NXN: variants seen among roughly 807,000 people sequenced by gnomAD.
NXN encodes the protein nucleoredoxin, also known as nucleoredoxin 1.
NXN carries 16 observed loss-of-function variants against 48.6 expected under a neutral mutation model. The ratio of observed to expected loss-of-function variants is 0.33; its 90% CI spans 0.22 to 0.50. The LOEUF (loss-of-function observed/expected upper bound fraction) is 0.50, where lower values mean the gene tolerates loss of function less well. NXN is among the 20% of genes least tolerant of loss of function. The pLI, the probability that NXN is intolerant of heterozygous loss-of-function variation, is 0.98. For missense variants in NXN, 492 were observed against 605.5 expected (o/e 0.81, Z 1.97); for synonymous variants, 281 against 269.6 (o/e 1.04, Z -0.41).
At chr17:835,595 A>T (rs1329296860) in intron 1 of NXN, among the ~76,000 whole-genome samples, 1 of 152,210 alleles carries the variant, frequency 6.6e-6, no homozygotes, top group East Asian at 1.9e-4. Context: ...TTCTACAGTG[A>T]CCAACAAAAC....
At chr17:975,006 G>C (rs2069441814) in intron 1 of NXN, among the ~76,000 whole-genome samples, 1 of 151,824 alleles carries the variant, frequency 6.6e-6, no homozygotes, top group African/African-American at 2.4e-5. Flanking sequence ...GTTATTTTTT[G>C]CAAAGACAAT....
intron 1 of NXN, among the ~76,000 whole-genome samples, chr17:871,189 C>T (rs1424877643): frequency 1.3e-5 from 2 of 151,720 alleles, no homozygotes; most frequent in South Asian, 2.1e-4. Flanking sequence ...CGGTGATCTT[C>T]GCAGCTCTCA....
At chr17:818,801 C>T (rs537209149) in intron 5 of NXN, among the ~76,000 whole-genome samples, 2 of 151,038 alleles carry the variant, frequency 1.3e-5, no homozygotes, top group South Asian at 2.1e-4. Context: ...AGGAGAATGG[C>T]GTGAACCCGG....
In NXN at chr17:825,527, GCCAAGGC is replaced by G. The variant is rs1390533514; in HGVS notation, c.478+427_478+433del. 1 of 165,608 alleles carries G rather than the reference GCCAAGGC, an allele frequency of 6.0e-6. No individual in the cohort carries two copies. Among genetic ancestry groups the G allele is most frequent in the Non-Finnish European group, 1.3e-5 (1 of 75,408 alleles). 10.3% of individuals were successfully genotyped at this position (165,608 alleles called of 1,614,324 possible). A position where few individuals can be genotyped will look rare whatever the true frequency, so the allele number is the denominator to read the frequency against. ...CTCCAAGCAACGAGGTGCACTCACC[GCCAAGGC>G]CAGGAGAGTGACACGGGGGCTGGGA... On this transcript the variant is annotated intron_variant, in intron 2 of 7. Transcript: ENST00000336868. The surrounding 1 kb of genome is among the most constrained non-coding windows in gnomAD (Gnocchi z 4.1).
intron 1 of NXN, among the ~76,000 whole-genome samples, chr17:918,060 G>C (rs2068706161): frequency 6.6e-6 from 1 of 152,176 alleles, no homozygotes; most frequent in African/African-American, 2.4e-5. Flanking sequence ...AGTTTTAAAA[G>C]TTGTGTGTCT....
intron 1 of NXN, among the ~76,000 whole-genome samples, chr17:911,702 G>A (rs1597235199): frequency 2.6e-5 from 4 of 151,250 alleles, no homozygotes; most frequent in Non-Finnish European, 2.9e-5. Context: ...TCCTGACCTC[G>A]TGATCTGCCC....
intron 1 of NXN, among the ~76,000 whole-genome samples, chr17:885,739 G>A (rs1366696079): frequency 7.0e-6 from 1 of 143,400 alleles, no homozygotes; most frequent in Non-Finnish European, 1.5e-5. Flanking sequence ...GGAGTGCAGT[G>A]GCGCAATCTC....
intron 1 of NXN, among the ~76,000 whole-genome samples, chr17:857,325 A>G (rs1034022887): frequency 6.6e-6 from 1 of 151,720 alleles, no homozygotes; most frequent in Non-Finnish European, 1.5e-5. Context: ...CAATGGTGTG[A>G]TCTCAGCTCA....
At chr17:831,637 T>C (rs943697042) in intron 1 of NXN, among the ~76,000 whole-genome samples, 4 of 151,840 alleles carry the variant, frequency 2.6e-5, no homozygotes, top group African/African-American at 9.7e-5. Flanking sequence ...GTAGCTGCGA[T>C]TACAGGCATT....
chr17:963,789 A>G (rs2150631564), intron 1 of NXN, among the ~76,000 whole-genome samples: 1 of 152,146 alleles, frequency 6.6e-6, no homozygotes, highest in East Asian at 1.9e-4. Flanking sequence ...TAATAAATAA[A>G]ATGCTGGGCC....
chr17:965,158 A>G (rs1328832196), intron 1 of NXN, among the ~76,000 whole-genome samples: 1 of 152,230 alleles, frequency 6.6e-6, no homozygotes, highest in African/African-American at 2.4e-5. Context: ...ACACATGCCC[A>G]GCAGATAAAG....
intron 5 of NXN, among the ~76,000 whole-genome samples, chr17:806,964 A>C (rs562025748): frequency 1.3e-5 from 2 of 152,090 alleles, no homozygotes; most frequent in African/African-American, 4.8e-5. Flanking sequence ...GCCCACACAC[A>C]CATGCGGCCG....
At chr17:812,925 C>A (rs12449658) in intron 5 of NXN, among the ~76,000 whole-genome samples, 1 of 100,212 alleles carries the variant, frequency 1.0e-5, no homozygotes, top group Non-Finnish European at 2.2e-5. Context: ...TAGGTGTGTG[C>A]GTGTGTGAGT....
At chr17:953,481 C>T in intron 1 of NXN, among the ~76,000 whole-genome samples, 1 of 152,190 alleles carries the variant, frequency 6.6e-6, no homozygotes, top group African/African-American at 2.4e-5. Context: ...ATGCCCCACA[C>T]CCCCTGTCCC....
At chr17:882,925 G>A (rs1011770549) in intron 1 of NXN, among the ~76,000 whole-genome samples, 1 of 151,942 alleles carries the variant, frequency 6.6e-6, no homozygotes, top group African/African-American at 2.4e-5. Context: ...ACCACGCCCA[G>A]CTAATTTTAG....
At chr17:810,003 G>A (rs1911841858) in intron 5 of NXN, among the ~76,000 whole-genome samples, 6 of 146,726 alleles carry the variant, frequency 4.1e-5, no homozygotes, top group East Asian at 2.0e-4. Flanking sequence ...TGTACGTTAC[G>A]AGTCTGTGAG....
At chr17:965,527 C>T (rs1042633760) in intron 1 of NXN, among the ~76,000 whole-genome samples, 4 of 152,074 alleles carry the variant, frequency 2.6e-5, no homozygotes, top group South Asian at 2.1e-4. Context: ...CTGATCACAC[C>T]GAGGAGTGTG....
chr17:895,656 CA>C (rs71145789), intron 1 of NXN, among the ~76,000 whole-genome samples: 136,228 of 144,350 alleles, frequency 0.94, 64,391 homozygotes, highest in Middle Eastern at 0.98. Flanking sequence ...ACTTAAAATA[CA>C]AAAAAAAAAA....
At chr17:926,546 TTTTTTTG>T (rs1168678298) in intron 1 of NXN, among the ~76,000 whole-genome samples, 3 of 65,388 alleles carry the variant, frequency 4.6e-5, no homozygotes, top group African/African-American at 6.9e-5. Context: ...TTTTTTTTTG[TTTTTTTG>T]TTTTTTTTTT....
Sources: gnomAD v4.1 joint callset for allele counts (sites outside exome capture counted in the v4.1 genomes callset) on GRCh38, gnomAD v4.1.1 for gene constraint, Gnocchi (gnomAD v3.1) non-coding constraint, MANE v1.5 for transcripts, NCBI Gene and HGNC (gene_info 2026-07-23, HGNC 2026-07-21) for gene names.